The following PCDHA10 variants were observed in gnomAD, a reference collection of about 807,000 sequenced individuals.
PCDHA10 encodes protocadherin alpha 10, also known as protocadherin alpha-10.
Under a neutral mutation model 61.2 loss-of-function variants are expected in PCDHA10, and 45 were observed. The observed-to-expected ratio is 0.74, with a 90% CI of 0.58 to 0.94. PCDHA10 has a LOEUF of 0.94. Ranked by LOEUF, PCDHA10 falls within the 40% of genes least tolerant of loss-of-function variation. The pLI, the probability that PCDHA10 is intolerant of heterozygous loss-of-function variation, is 0.00. For missense variants in PCDHA10, 1,278 were observed against 1,236.2 expected, an observed-to-expected ratio of 1.03 and a Z score of -0.51; for synonymous variants, 602 against 548.8, an observed-to-expected ratio of 1.10 and a Z score of -1.35.
chr5:141,001,811 C>A (rs1200900455), intron 3 of PCDHA10, among the ~76,000 whole-genome samples: 1 of 152,128 alleles, frequency 6.6e-6, no homozygotes, highest in Non-Finnish European at 1.5e-5. Flanking sequence ...ATTCTACAAT[C>A]GGCCAAATTC....
chr5:140,875,806 A>G, intron 1 of PCDHA10: 1 of 1,614,204 alleles, frequency 6.2e-7, no homozygotes, highest in African/African-American at 1.3e-5. Context: ...GATCGTGGAC[A>G]GGCCGCTGCA....
chr5:140,874,500 C>T (rs1241228989), intron 1 of PCDHA10, among the ~76,000 whole-genome samples: 1 of 152,220 alleles, frequency 6.6e-6, no homozygotes, highest in African/African-American at 2.4e-5. Context: ...ATCAAGTTCA[C>T]ATTCTCTTGA....
chr5:140,887,672 T>G (rs2061538471), intron 1 of PCDHA10, among the ~76,000 whole-genome samples: 1 of 152,180 alleles, frequency 6.6e-6, no homozygotes, highest in Admixed American at 6.5e-5. Flanking sequence ...GGATTTATCA[T>G]TTTCATCAAA....
At chr5:140,967,589 T>C (rs782348275) in intron 1 of PCDHA10, 20 of 1,613,912 alleles carry the variant, frequency 1.2e-5, no homozygotes, top group African/African-American at 1.2e-4. Context: ...CCCAGGCACA[T>C]TGGTGGTGAA....
chr5:140,952,301 T>G (rs246036), intron 1 of PCDHA10, among the ~76,000 whole-genome samples: 84,430 of 149,404 alleles, frequency 0.57, 24,448 homozygotes, highest in African/African-American at 0.7. Flanking sequence ...CACAGCCATT[T>G]CACTCCAGCC....
At chr5:140,875,202 C>A in intron 1 of PCDHA10, 1 of 611,450 alleles carries the variant, frequency 1.6e-6, no homozygotes, top group Non-Finnish European at 2.5e-6. Context: ...CAGGAAGTGG[C>A]TAAACCGAAA....
chr5:140,966,449 C>CT (rs1737219736), intron 1 of PCDHA10: 1 of 425,908 alleles, frequency 2.3e-6, no homozygotes, highest in South Asian at 9.0e-5. Context: ...CCCTTTCCCC[C>CT]TCCCCCTCTG....
At chr5:140,860,280 G>A (rs1339122152) in intron 1 of PCDHA10, 2 of 151,906 alleles carry the variant, frequency 1.3e-5, no homozygotes, top group Admixed American at 1.3e-4. Context: ...ACTTGGGAGG[G>A]TGAGGTGGGA....
intron 1 of PCDHA10, among the ~76,000 whole-genome samples, chr5:140,925,297 A>G (rs572435227): frequency 6.6e-6 from 1 of 152,246 alleles, no homozygotes; most frequent in Non-Finnish European, 1.5e-5. Context: ...ATGTTTCATT[A>G]TTGGGGCTTT....
At position 140,858,437 on chromosome 5, in the gene PCDHA10, G is replaced by C. The variant is rs1343643925; in HGVS notation, c.2388+1G>C. 1 of 1,541,950 alleles carries C rather than the reference G, an allele frequency of 6.5e-7. No homozygotes were observed. The highest frequency in any genetic ancestry group is 1.2e-5 in the South Asian group (1 of 85,220). On this transcript the variant is annotated splice_donor_variant, in intron 1 of 3. Transcript: ENST00000307360. LOFTEE classifies it high-confidence loss of function. ...TATTGGAGGGGACCACTCTAGGAAG[G>C]TGGGTTATTACGTTTTCATTTTCCT...
At chr5:140,960,476 A>G (rs900807612) in intron 1 of PCDHA10, among the ~76,000 whole-genome samples, 3 of 152,178 alleles carry the variant, frequency 2.0e-5, no homozygotes, top group South Asian at 2.1e-4. Context: ...TCCTTCTTAC[A>G]CAGAGGTGTA....
chr5:140,892,497 T>C (rs1459778884), intron 1 of PCDHA10, among the ~76,000 whole-genome samples: 1 of 152,238 alleles, frequency 6.6e-6, no homozygotes, highest in Non-Finnish European at 1.5e-5. Context: ...GAGAGATTGT[T>C]TAAGAAGTTC....
intron 1 of PCDHA10, among the ~76,000 whole-genome samples, chr5:140,933,209 G>GTC (rs140472192): frequency 0.32 from 48,939 of 151,636 alleles, 8,153 homozygotes; most frequent in East Asian, 0.53. Flanking sequence ...TAAATTACAT[G>GTC]TCTGTTATAT....
chr5:140,860,414 C>T (rs1180297544), intron 1 of PCDHA10: 1 of 152,016 alleles, frequency 6.6e-6, no homozygotes, highest in Non-Finnish European at 1.5e-5. Flanking sequence ...ATAGTAACAC[C>T]ATTATCCTGC....
At chr5:140,968,036 A>T in intron 1 of PCDHA10, 1 of 1,614,160 alleles carries the variant, frequency 6.2e-7, no homozygotes, top group Non-Finnish European at 8.5e-7. Context: ...ACTGGTGGTG[A>T]GCGGCCCACT....
At position 140,857,815 on chromosome 5, in the gene PCDHA10, G is replaced by A. The variant is rs782354426; in HGVS notation, c.1767G>A (p.Val589=). Residue 589 remains valine, a synonymous_variant, in exon 1 of 4, where the codon GTG becomes GTA. Transcript: ENST00000307360. ...LVLRSVVAGH[V]VAKVRAVDAD... is the part of the protein sequence containing the mutation. ...TGCGGTCGGTGGTTGCGGGTCACGTGGTGGCTAAGGTGCGCGCAGTGGACG... is the reference window on the plus strand; with the variant it reads ...TGCGGTCGGTGGTTGCGGGTCACGTAGTGGCTAAGGTGCGCGCAGTGGACG... 2 of 1,597,792 alleles carry A rather than the reference G, an allele frequency of 1.3e-6. No individual in the cohort carries two copies. The highest frequency in any genetic ancestry group is 4.5e-5 in the East Asian group (2 of 44,828).
rs139214405 is a variant in PCDHA10, at chr5:140,927,269, C to A, written c.2389-51680C>A. The A allele has an allele frequency of 2.4e-5, 38 of 1,614,024 alleles. No individual in the cohort carries two copies. In the African/African-American group the frequency reaches 3.9e-4, roughly 16 times the overall value. On this transcript the variant is annotated intron_variant, in intron 1 of 3. Transcript: ENST00000307360. ...AATGACAACTCACCTCTCTTTCCTG[C>A]CGGCGACGTGCAGCTGCACATCCCC...
rs782361286 is a variant in PCDHA10, at chr5:140,876,924, G to T, written c.2388+18488G>T. The T allele has an allele frequency of 4.3e-6, 7 of 1,613,704 alleles. No individual in the cohort carries two copies. The African/African-American group carries it at 5.3e-5, about 12-fold the overall frequency. The stretch of plus-strand genomic sequence containing the variant: ...CGGTGTCGGCATGGGACGCGGACGC[G>T]CAGAAGAACGCGCTGGTGTCCTACT... On this transcript the variant is annotated intron_variant, in intron 1 of 3. Coordinates refer to ENST00000307360, the MANE Select transcript of PCDHA10 (RefSeq NM_018901.4).
At chr5:140,870,318 G>C in intron 1 of PCDHA10, 1 of 1,614,178 alleles carries the variant, frequency 6.2e-7, no homozygotes, top group Non-Finnish European at 8.5e-7. Flanking sequence ...ATTACTACTC[G>C]TTGGTGCTGG....
Sources: gnomAD v4.1 joint callset for allele counts (sites outside exome capture counted in the v4.1 genomes callset) on GRCh38, gnomAD v4.1.1 for gene constraint, MANE v1.5 for transcripts, NCBI Gene and HGNC (gene_info 2026-07-23, HGNC 2026-07-21) for gene names.